JUP: variants seen among roughly 807,000 people sequenced by gnomAD.
The protein encoded by JUP is catenin (cadherin-associated protein), gamma 80kDa.
A neutral mutation model predicts 71.1 loss-of-function variants in JUP; 28 were observed. The ratio of observed to expected loss-of-function variants is 0.39; its 90% CI spans 0.29 to 0.54. The LOEUF is 0.54. Among genes scored for constraint, JUP ranks in the 20% least tolerant of loss-of-function variants. The pLI, the probability that JUP is intolerant of heterozygous loss-of-function variation, is 0.62. For missense variants in JUP, 869 were observed against 1,030.1 expected (o/e 0.84, Z 2.14); for synonymous variants, 401 against 438.9 (o/e 0.91, Z 1.08).
Position 41,756,206 on chromosome 17 carries a change from G to GC in JUP, c.2054dup (p.Ser685ArgfsTer7). On this transcript the variant is annotated frameshift_variant, in exon 13 of 14. Coordinates refer to ENST00000393931, the MANE Select transcript of JUP (RefSeq NM_002230.4). LOFTEE classifies it high-confidence loss of function. ...CATAGGGCTCATTGATGGGAATCAT[G>GC]CTCTGGGCCTGAAAAAGGAGAGAGA... is the stretch of plus-strand genomic sequence containing the variant. 6.2e-7 allele frequency: 1 copy of GC among 1,613,948 alleles called. No individual in the cohort carries two copies. The highest frequency in any genetic ancestry group is 1.3e-5 in the African/African-American group (1 of 75,052).
intron 8 of JUP, among the ~76,000 whole-genome samples, chr17:41,761,791 G>A (rs1011871904): frequency 5.4e-5 from 8 of 149,436 alleles, no homozygotes; most frequent in East Asian, 2.0e-4. Context: ...AGAATTGTCC[G>A]GGCCTGGTGT....
intron 1 of JUP, among the ~76,000 whole-genome samples, chr17:41,773,696 G>C (rs1423910050): frequency 6.6e-6 from 1 of 152,014 alleles, no homozygotes; most frequent in African/African-American, 2.4e-5. Context: ...GGGGGGCGGG[G>C]GGCGGGGTGC....
Position 41,768,978 on chromosome 17 carries a change from C to T in JUP, c.698G>A (p.Arg233His), listed in dbSNP as rs1304500107. Residue 233 changes from arginine to histidine, a missense_variant, in exon 4 of 14, where the codon CGC becomes CAC. Arg to His is a conservative substitution (Grantham distance 29). Coordinates refer to ENST00000393931, the MANE Select transcript of JUP (RefSeq NM_002230.4). The stretch of plus-strand genomic sequence containing the variant: ...GAGCAGGGTTGGGTACCTGAGCATG[C>T]GGACCAGAGCAGGGATGCCACCCGA... ...FKSGGIPALV[R>H]MLSSPVESVL... is the part of the protein sequence containing the mutation. 15 of 1,603,682 alleles carry T rather than the reference C, an allele frequency of 9.4e-6. No homozygotes were observed. The highest frequency in any genetic ancestry group is 1.6e-4 in the Middle Eastern group (1 of 6,076).
chr17:41,762,389 CTG>C (rs1407572021), intron 8 of JUP, among the ~76,000 whole-genome samples: 1 of 151,712 alleles, frequency 6.6e-6, no homozygotes, highest in Admixed American at 6.6e-5. Flanking sequence ...ACCCAGCCTC[CTG>C]TTTTTCTTTT....
At chr17:41,766,030 G>A (rs1915657992) in intron 5 of JUP, among the ~76,000 whole-genome samples, 1 of 152,118 alleles carries the variant, frequency 6.6e-6, no homozygotes, top group Non-Finnish European at 1.5e-5. Flanking sequence ...TGAAGCAGGA[G>A]GATTCCTTGA....
intron 9 of JUP, 98 bp downstream of exon 9, chr17:41,758,617 G>T: frequency 6.4e-7 from 1 of 1,572,146 alleles, no homozygotes. Context: ...TCTTGGAATT[G>T]GCATCAGTTG....
intron 5 of JUP, among the ~76,000 whole-genome samples, chr17:41,766,555 T>C (rs1252708543): frequency 2.0e-5 from 3 of 152,018 alleles, no homozygotes; most frequent in Admixed American, 1.3e-4. Flanking sequence ...ATCCCATCTC[T>C]ATAAAAAATT....
intron 5 of JUP, among the ~76,000 whole-genome samples, chr17:41,766,785 G>A (rs1053722493): frequency 6.6e-6 from 1 of 151,634 alleles, no homozygotes; most frequent in Non-Finnish European, 1.5e-5. Flanking sequence ...AACCCGGGAG[G>A]CGAAGGTTGC....
chr17:41,765,225 G>A (rs1364137786), intron 5 of JUP, among the ~76,000 whole-genome samples, 158 bp from the exon 6 acceptor site: 2 of 152,202 alleles, frequency 1.3e-5, no homozygotes, highest in Non-Finnish European at 2.9e-5. Flanking sequence ...TATAAAGATG[G>A]GGGTCTCACT....
At chr17:41,785,276 G>A (rs1372624422) in intron 1 of JUP, 2 of 151,438 alleles carry the variant, frequency 1.3e-5, no homozygotes, top group Non-Finnish European at 2.9e-5. Flanking sequence ...AAAAAGACAA[G>A]AACAACCACT....
rs910457325 is a variant in JUP at position 41,755,428 on chromosome 17, C to T, written c.*316G>A. On this transcript the variant is annotated 3_prime_UTR_variant, in exon 14 of 14. Transcript: ENST00000393931. Reference sequence around the variant, plus strand: ...ACGGAGAGCCTCTCAGATGAGGAACCGCACCTGTTAGGGGAGCGGGGACAG... The same window carrying T: ...ACGGAGAGCCTCTCAGATGAGGAACTGCACCTGTTAGGGGAGCGGGGACAG... The T allele has an allele frequency of 2.2e-5, 9 of 414,828 alleles. No homozygotes were observed. The highest frequency in any genetic ancestry group is 1.7e-4 in the East Asian group (5 of 28,662). The allele number at this position is 414,828 out of a possible 1,614,324, so 25.7% of individuals were successfully genotyped here. A position where few individuals can be genotyped will look rare whatever the true frequency, so the allele number is the denominator to read the frequency against.
intron 1 of JUP, among the ~76,000 whole-genome samples, chr17:41,785,333 C>A (rs2047400536): frequency 6.6e-6 from 1 of 151,922 alleles, no homozygotes; most frequent in Non-Finnish European, 1.5e-5. Context: ...ACCCCCATTC[C>A]TGGGGAGGGG....
At chr17:41,770,768 C>T (rs962673716) in intron 2 of JUP, among the ~76,000 whole-genome samples, 1 of 152,224 alleles carries the variant, frequency 6.6e-6, no homozygotes, top group African/African-American at 2.4e-5. Flanking sequence ...GGACTAAGCC[C>T]CAGAGCTGAG....
chr17:41,768,534 C>G (rs1555604909), intron 4 of JUP, among the ~76,000 whole-genome samples: 1 of 151,508 alleles, frequency 6.6e-6, no homozygotes, highest in African/African-American at 2.4e-5. Context: ...TGCACTCCAG[C>G]TTGGGTGACA....
chr17:41,763,357 C>T, intron 7 of JUP, 36 bp from the exon 8 acceptor site: 1 of 1,494,900 alleles, frequency 6.7e-7, no homozygotes, highest in Non-Finnish European at 9.3e-7. Context: ...AGTCAGGGAG[C>T]AGCCAACTCC....
chr17:41,760,237 T>C (rs1157188615), intron 8 of JUP, among the ~76,000 whole-genome samples: 1 of 151,196 alleles, frequency 6.6e-6, no homozygotes, highest in Non-Finnish European at 1.5e-5. Context: ...CTGCACTGGG[T>C]TTTTTTTGTT....
rs1060502679 is a variant in JUP at position 41,758,803 on chromosome 17, G to T, written c.1565C>A (p.Ala522Glu). Residue 522 changes from alanine (A) to glutamate (E), a missense_variant, in exon 9 of 14, where the codon GCG becomes GAG. Transcript: ENST00000393931. ...CAGTTGGACGAGGCGGGGGATGACC[G>T]CTGCCTCCTGCAGCGGGGCATGGTT... ...PANHAPLQEA[A>E]VIPRLVQLLV... 3.1e-6 allele frequency: 5 copies of T among 1,610,988 alleles called. No individual in the cohort carries two copies. Among genetic ancestry groups the T allele is most frequent in the Non-Finnish European group, 4.2e-6 (5 of 1,178,600 alleles).
chr17:41,769,907 A>ATTTT (rs11427331), intron 2 of JUP, among the ~76,000 whole-genome samples: 2 of 148,054 alleles, frequency 1.4e-5, no homozygotes, highest in African/African-American at 5.0e-5. Flanking sequence ...CATCAAGGGA[A>ATTTT]TTTTTTTTTT....
intron 8 of JUP, 133 bp downstream of exon 8, chr17:41,762,850 C>T (rs567618312): frequency 1.4e-5 from 10 of 726,842 alleles, no homozygotes; most frequent in East Asian, 1.4e-4. Flanking sequence ...AACTATTACA[C>T]GAGAGAGAAA....
Sources: gnomAD v4.1 joint callset for allele counts (sites outside exome capture counted in the v4.1 genomes callset) on GRCh38, gnomAD v4.1.1 for gene constraint, MANE v1.5 for transcripts, NCBI Gene and HGNC (gene_info 2026-07-23, HGNC 2026-07-21) for gene names.